Variants in RSPRY1 observed in about 807,000 individuals in gnomAD.
RSPRY1 encodes the protein RING finger and SPRY domain-containing protein 1.
In RSPRY1, 23 loss-of-function variants were observed where a neutral mutation model predicts 73.1. That is an observed-to-expected ratio of 0.31 (90% confidence interval 0.23 to 0.45). RSPRY1 has a LOEUF of 0.45. Among genes scored for constraint, RSPRY1 ranks in the 20% least tolerant of loss-of-function variants. The pLI is 1.00. For synonymous variants in RSPRY1, 226 were observed against 251.4 expected, an observed-to-expected ratio of 0.90 and a Z score of 0.95; for missense variants, 448 against 698.7, an observed-to-expected ratio of 0.64 and a Z score of 4.05.
At chr16:57,230,009 T>G (rs1322051740) in intron 11 of RSPRY1, among the ~76,000 whole-genome samples, 2 of 137,006 alleles carry the variant, frequency 1.5e-5, no homozygotes, top group African/African-American at 5.5e-5. Flanking sequence ...CCTGCCCTTT[T>G]TTTTTTTTTT....
intron 1 of RSPRY1, among the ~76,000 whole-genome samples, chr16:57,199,806 A>T (rs1176806584): frequency 6.6e-6 from 1 of 151,804 alleles, no homozygotes; most frequent in Non-Finnish European, 1.5e-5. Flanking sequence ...TTTCACCTGA[A>T]ATATTCTAAC....
intron 5 of RSPRY1, 118 bp from the exon 6 acceptor site, chr16:57,213,770 G>C (rs1480427416): frequency 2.6e-6 from 2 of 783,772 alleles, no homozygotes; most frequent in African/African-American, 3.4e-5. Flanking sequence ...CCTCAGAGCA[G>C]GAGGCTTTAA....
intron 10 of RSPRY1, among the ~76,000 whole-genome samples, chr16:57,222,382 T>C (rs1247623659): frequency 6.6e-6 from 1 of 152,236 alleles, no homozygotes; most frequent in Non-Finnish European, 1.5e-5. Flanking sequence ...GCACATCCCA[T>C]GGTGACCTAC....
At position 57,231,472 on chromosome 16, in the gene RSPRY1, G is replaced by A. The variant is rs542910315; in HGVS notation, c.1529+153G>A. Among the ~76,000 whole-genome samples, 19 of 152,238 alleles carry A rather than the reference G, an allele frequency of 1.2e-4. No homozygotes were observed. In the East Asian group the frequency reaches 1.7e-3, roughly 14 times the overall value. Reference sequence around the variant, plus strand: ...TCAGGAAATATAAATTTCTAAGATCGCAGAAGAAATATACACAAACCAATT... The same window carrying A: ...TCAGGAAATATAAATTTCTAAGATCACAGAAGAAATATACACAAACCAATT... On this transcript the variant is annotated intron_variant, in intron 13 of 14. Coordinates refer to ENST00000394420, the MANE Select transcript of RSPRY1 (RefSeq NM_133368.3).
chr16:57,192,604 A>G (rs1467745689), intron 1 of RSPRY1, among the ~76,000 whole-genome samples: 1 of 151,844 alleles, frequency 6.6e-6, no homozygotes, highest in East Asian at 1.9e-4. Flanking sequence ...CCTTTGTACC[A>G]TTTTAGGTCA....
intron 3 of RSPRY1, among the ~76,000 whole-genome samples, chr16:57,208,387 TATATATA>T (rs2074768515): frequency 9.5e-6 from 1 of 105,520 alleles, no homozygotes; most frequent in African/African-American, 4.2e-5. Flanking sequence ...TATATATATA[TATATATA>T]TATATATTTT....
intron 1 of RSPRY1, among the ~76,000 whole-genome samples, chr16:57,199,855 C>T (rs1379016443): frequency 2.0e-5 from 3 of 148,250 alleles, no homozygotes; most frequent in Non-Finnish European, 4.5e-5. Context: ...TTTTTTTTCC[C>T]ACTCCAAACC....
chr16:57,199,953 G>A (rs1297543765), intron 1 of RSPRY1, among the ~76,000 whole-genome samples: 2 of 123,590 alleles, frequency 1.6e-5, no homozygotes, highest in Admixed American at 9.7e-5. Flanking sequence ...GGTGTTTCTC[G>A]CAGAGGGGGA....
chr16:57,227,765 C>T (rs115012681), intron 11 of RSPRY1, among the ~76,000 whole-genome samples: 1,698 of 152,238 alleles, frequency 0.011, 35 homozygotes, highest in African/African-American at 0.038. Flanking sequence ...ATGGCAATAT[C>T]AGGGACACTG....
rs751473704 is a variant in RSPRY1, at chr16:57,230,799, C to A, written c.1362C>A (p.Val454=). 5 of 1,603,662 alleles carry A rather than the reference C, an allele frequency of 3.1e-6. No individual in the cohort carries two copies. The highest frequency in any genetic ancestry group is 4.3e-6 in the Non-Finnish European group (5 of 1,171,622). The change falls in exon 12 of 15, where the codon GTC becomes GTA. Residue 454 remains valine, a synonymous_variant. Coordinates refer to ENST00000394420, the MANE Select transcript of RSPRY1 (RefSeq NM_133368.3). ...NGNQLPPEKQ[V]FSSTVSGFFA... ...ACCAGCTGCCTCCTGAAAAGCAAGTCTTTTCATCTACTGTGTAAGTAGCTC... is the reference window on the plus strand; with the variant it reads ...ACCAGCTGCCTCCTGAAAAGCAAGTATTTTCATCTACTGTGTAAGTAGCTC...
In RSPRY1 at chr16:57,231,332, C is replaced by T. The variant is rs1597928572; in HGVS notation, c.1529+13C>T. 3 of 1,603,574 alleles carry T rather than the reference C, an allele frequency of 1.9e-6. No homozygotes were observed. The highest frequency in any genetic ancestry group is 1.1e-5 in the South Asian group (1 of 90,128). ...TCATTTTGCCAAGGTAAGGAATCTGCCCAGGCTATCTCCAGACTTTCACAT... is the reference window on the plus strand; with the variant it reads ...TCATTTTGCCAAGGTAAGGAATCTGTCCAGGCTATCTCCAGACTTTCACAT... On this transcript the variant is annotated intron_variant, in intron 13 of 14. Transcript: ENST00000394420.
intron 8 of RSPRY1, 112 bp from the exon 9 acceptor site, chr16:57,220,620 A>G: frequency 1.8e-6 from 1 of 563,440 alleles, no homozygotes; most frequent in Non-Finnish European, 3.2e-6. Flanking sequence ...CTTCCTTTCC[A>G]TTTTGGATGC....
At chr16:57,206,802 C>A (rs962279611) in intron 2 of RSPRY1, among the ~76,000 whole-genome samples, 4 of 152,124 alleles carry the variant, frequency 2.6e-5, no homozygotes, top group Non-Finnish European at 4.4e-5. Context: ...TGGACTCAAG[C>A]GATTGTCGAG....
At chr16:57,222,924 C>T (rs79932158) in intron 10 of RSPRY1, among the ~76,000 whole-genome samples, 1 of 152,200 alleles carries the variant, frequency 6.6e-6, no homozygotes, top group East Asian at 1.9e-4. Flanking sequence ...ATTTCATCTG[C>T]TCGATGAAAT....
At chr16:57,194,205 ATG>A (rs577507126) in intron 1 of RSPRY1, among the ~76,000 whole-genome samples, 131 of 152,372 alleles carry the variant, frequency 8.6e-4, no homozygotes, top group African/African-American at 3.1e-3. Flanking sequence ...ACTTTGAAAT[ATG>A]TAAAAAAAAC....
At chr16:57,237,735 G>T (rs146265370) in intron 14 of RSPRY1, among the ~76,000 whole-genome samples, 1 of 150,488 alleles carries the variant, frequency 6.6e-6, no homozygotes, top group Non-Finnish European at 1.5e-5. Flanking sequence ...TTTTTGAGAC[G>T]GAGTCTCGCT....
chr16:57,234,020 G>C (rs1265208752), intron 13 of RSPRY1, among the ~76,000 whole-genome samples: 1 of 152,132 alleles, frequency 6.6e-6, no homozygotes, highest in Non-Finnish European at 1.5e-5. Context: ...CTTATTCACT[G>C]AACGGAAAAG....
At chr16:57,237,344 A>G (rs929221114) in intron 14 of RSPRY1, among the ~76,000 whole-genome samples, 57 of 151,960 alleles carry the variant, frequency 3.8e-4, no homozygotes, top group Non-Finnish European at 6.9e-4. Context: ...GGGTTTCACC[A>G]TGTTGGCCAG....
intron 10 of RSPRY1, among the ~76,000 whole-genome samples, chr16:57,224,073 C>T (rs565443144): frequency 6.6e-6 from 1 of 152,226 alleles, no homozygotes; most frequent in Non-Finnish European, 1.5e-5. Flanking sequence ...GATTTAGAAG[C>T]CTTTCCGGAG....
Sources: gnomAD v4.1 joint callset for allele counts (sites outside exome capture counted in the v4.1 genomes callset) on GRCh38, gnomAD v4.1.1 for gene constraint, MANE v1.5 for transcripts, NCBI Gene and HGNC (gene_info 2026-07-23, HGNC 2026-07-21) for gene names.